The following TENM4 variants were observed in gnomAD, a reference collection of about 807,000 sequenced individuals.
The protein encoded by TENM4 is teneurin-4.
TENM4 carries 82 observed loss-of-function variants against 243.3 expected under a neutral mutation model. The ratio of observed to expected loss-of-function variants is 0.34; its 90% CI spans 0.28 to 0.40. The LOEUF (loss-of-function observed/expected upper bound fraction) is 0.40. Ranked by LOEUF, TENM4 falls within the 10% of genes least tolerant of loss-of-function variation. TENM4 has a pLI of 1.00. For missense variants in TENM4, 3,138 were observed against 3,673.3 expected (o/e 0.85, Z 3.77); for synonymous variants, 1,412 against 1,456.3 (o/e 0.97, Z 0.69).
intron 6 of TENM4, among the ~76,000 whole-genome samples, chr11:78,996,391 CAT>C (rs1314142180): frequency 6.6e-6 from 1 of 152,202 alleles, no homozygotes; most frequent in African/African-American, 2.4e-5. Flanking sequence ...GCACAGAACA[CAT>C]GAGTAAAGCC....
chr11:78,844,770 GA>G (rs1168578499), intron 12 of TENM4, among the ~76,000 whole-genome samples: 3 of 152,160 alleles, frequency 2.0e-5, no homozygotes, highest in African/African-American at 7.2e-5. Flanking sequence ...GGCCTCACCA[GA>G]AACCAACCCT....
chr11:79,181,008 A>G (rs1440674858), intron 3 of TENM4, among the ~76,000 whole-genome samples: 5 of 152,106 alleles, frequency 3.3e-5, no homozygotes, highest in Non-Finnish European at 7.4e-5. Flanking sequence ...AATTCTACCA[A>G]ACACGTATGG....
At chr11:79,254,514 A>G (rs954645427) in intron 2 of TENM4, among the ~76,000 whole-genome samples, 1 of 152,174 alleles carries the variant, frequency 6.6e-6, no homozygotes, top group Non-Finnish European at 1.5e-5. Flanking sequence ...GCAGCTAAGG[A>G]GCTAAGACAA....
At chr11:79,194,541 G>A (rs945128418) in intron 3 of TENM4, among the ~76,000 whole-genome samples, 3 of 152,132 alleles carry the variant, frequency 2.0e-5, no homozygotes, top group African/African-American at 7.2e-5. Flanking sequence ...GGGAACTGGA[G>A]CAAAGGTGAC....
At chr11:79,050,844 CAAACTGGGAG>C (rs1859773655) in intron 6 of TENM4, among the ~76,000 whole-genome samples, 1 of 152,180 alleles carries the variant, frequency 6.6e-6, no homozygotes, top group Middle Eastern at 3.2e-3. Flanking sequence ...TCTCACAGAG[CAAACTGGGAG>C]AAAGTGGCCT....
intron 1 of TENM4, among the ~76,000 whole-genome samples, chr11:79,392,711 G>A (rs538587753): frequency 2.6e-5 from 4 of 152,190 alleles, no homozygotes; most frequent in Non-Finnish European, 2.9e-5. Context: ...CTCTGGGCAA[G>A]CTACAGAGCC....
At chr11:79,373,842 C>T (rs921023829) in intron 1 of TENM4, among the ~76,000 whole-genome samples, 2 of 152,122 alleles carry the variant, frequency 1.3e-5, no homozygotes, top group African/African-American at 4.8e-5. Flanking sequence ...CCCAAGATAT[C>T]ATTAAGTCAA....
intron 6 of TENM4, among the ~76,000 whole-genome samples, chr11:78,954,206 AG>A (rs1378654502): frequency 6.6e-6 from 1 of 152,156 alleles, no homozygotes; most frequent in Non-Finnish European, 1.5e-5. Context: ...GGCAGAGGGC[AG>A]GGGGCTGCCT....
In TENM4 at chr11:79,136,433, G is replaced by A. The variant is rs569234229; in HGVS notation, c.-66+12277C>T. ...CAATGTGGCCATGGTGGCAGGGATG[G>A]AGGTTATGCATGAGCTCAGCAACAT... On this transcript the variant is annotated intron_variant, in intron 4 of 33. Coordinates refer to ENST00000278550, the MANE Select transcript of TENM4 (RefSeq NM_001098816.3). Among the ~76,000 whole-genome samples, 16 of 152,268 alleles carry A rather than the reference G, an allele frequency of 1.1e-4. No individual in the cohort carries two copies. In the South Asian group the frequency reaches 1.5e-3, roughly 14 times the overall value.
chr11:78,851,603 T>C (rs1858540795), intron 12 of TENM4, among the ~76,000 whole-genome samples: 1 of 151,980 alleles, frequency 6.6e-6, no homozygotes, highest in Admixed American at 6.6e-5. Flanking sequence ...TGCTTCTCTG[T>C]AAACCACGCT....
chr11:78,882,409 C>T (rs751173504), intron 9 of TENM4, among the ~76,000 whole-genome samples: 3 of 152,208 alleles, frequency 2.0e-5, no homozygotes, highest in Admixed American at 1.3e-4. Context: ...CCTTGGCAGA[C>T]TTAACCATTT....
intron 4 of TENM4, among the ~76,000 whole-genome samples, chr11:79,107,281 CTAATCATAATCA>C (rs138987905): frequency 6.6e-6 from 1 of 151,536 alleles, no homozygotes; most frequent in South Asian, 2.1e-4. Context: ...CTTGAGAATA[CTAATCATAATCA>C]TAATCATAAT....
At chr11:78,867,657 T>C (rs1303519714) in intron 9 of TENM4, among the ~76,000 whole-genome samples, 1 of 152,236 alleles carries the variant, frequency 6.6e-6, no homozygotes. Flanking sequence ...ATTAGTATCA[T>C]TTGAATGCAC....
At chr11:78,994,163 A>G (rs1232881761) in intron 6 of TENM4, among the ~76,000 whole-genome samples, 2 of 152,244 alleles carry the variant, frequency 1.3e-5, no homozygotes, top group Non-Finnish European at 2.9e-5. Context: ...AAGTTCAACA[A>G]GGTCCTTCCC....
intron 15 of TENM4, among the ~76,000 whole-genome samples, chr11:78,788,534 G>C (rs1013883820): frequency 2.0e-5 from 3 of 152,078 alleles, no homozygotes; most frequent in Non-Finnish European, 4.4e-5. Flanking sequence ...AGAGTTCCTG[G>C]TCCTGTCAGA....
intron 7 of TENM4, among the ~76,000 whole-genome samples, chr11:78,899,561 G>C (rs866844857): frequency 0.012 from 1,531 of 127,266 alleles, 71 homozygotes; most frequent in African/African-American, 0.044. Context: ...TCAAAAAGCG[G>C]GGGGGGGGGG....
chr11:78,800,540 C>T (rs552566134), intron 15 of TENM4, among the ~76,000 whole-genome samples: 7 of 152,186 alleles, frequency 4.6e-5, no homozygotes, highest in East Asian at 1.9e-4. Flanking sequence ...GGTTCGCTGT[C>T]GGGTAGTGTG....
intron 6 of TENM4, among the ~76,000 whole-genome samples, chr11:79,055,235 T>G (rs927279220): frequency 1.3e-5 from 2 of 152,084 alleles, no homozygotes; most frequent in Admixed American, 6.5e-5. Context: ...TATTATATTA[T>G]TATTATTACT....
intron 6 of TENM4, among the ~76,000 whole-genome samples, chr11:79,034,581 T>A (rs1301300094): frequency 1.3e-5 from 2 of 149,598 alleles, no homozygotes; most frequent in African/African-American, 5.1e-5. Context: ...GAAGTTTAAT[T>A]AAAAAAAATT....
Sources: allele counts gnomAD v4.1 joint callset (sites outside exome capture counted in the v4.1 genomes callset), GRCh38; gene constraint gnomAD v4.1.1; transcripts MANE v1.5; gene names NCBI Gene and HGNC (gene_info 2026-07-23, HGNC 2026-07-21).